The following COL24A1 variants were observed in gnomAD, a reference collection of about 807,000 sequenced individuals.
COL24A1 encodes the protein collagen alpha-1(XXIV) chain.
Under a neutral mutation model 253.9 loss-of-function variants are expected in COL24A1, and 224 were observed. That is an observed-to-expected ratio of 0.88 (90% confidence interval 0.79 to 0.99). The LOEUF is 0.99. COL24A1 is among the 50% of genes least tolerant of loss of function. The pLI, the probability that COL24A1 is intolerant of heterozygous loss-of-function variation, is 0.00. For missense variants in COL24A1, 2,131 were observed against 2,068.5 expected (o/e 1.03, Z -0.59); for synonymous variants, 685 against 673.7 (o/e 1.02, Z -0.26).
chr1:86,113,969 T>C (rs1705875862), intron 4 of COL24A1, among the ~76,000 whole-genome samples: 1 of 151,930 alleles, frequency 6.6e-6, no homozygotes, highest in African/African-American at 2.4e-5. Context: ...AATGAATAAG[T>C]TGCTGATGTA....
intron 55 of COL24A1, among the ~76,000 whole-genome samples, chr1:85,760,166 G>T (rs932571947): frequency 6.6e-6 from 1 of 151,696 alleles, no homozygotes; most frequent in Non-Finnish European, 1.5e-5. Flanking sequence ...TCTGCCTCCC[G>T]GGCTCAGGTG....
At chr1:85,924,393 C>T (rs997306608) in intron 24 of COL24A1, among the ~76,000 whole-genome samples, 5 of 152,160 alleles carry the variant, frequency 3.3e-5, no homozygotes, top group Middle Eastern at 3.2e-3. Context: ...ACCAATATCC[C>T]TGATGAACAT....
intron 7 of COL24A1, among the ~76,000 whole-genome samples, chr1:86,088,407 T>C (rs1472315948): frequency 2.0e-5 from 3 of 152,202 alleles, no homozygotes; most frequent in Admixed American, 2.0e-4. Context: ...TTTTAACACC[T>C]TAAGAAGAAA....
At chr1:85,892,073 C>A (rs1683194938) in intron 31 of COL24A1, among the ~76,000 whole-genome samples, 1 of 152,036 alleles carries the variant, frequency 6.6e-6, no homozygotes, top group African/African-American at 2.4e-5. Context: ...TTTATTATGA[C>A]TATGAAAGAT....
At position 85,823,666 on chromosome 1, in the gene COL24A1, T is replaced by C. The variant is rs751698491; in HGVS notation, c.3735+19A>G. 5.0e-6 allele frequency: 8 copies of C among 1,613,422 alleles called. No individual in the cohort carries two copies. In the East Asian group the frequency reaches 1.8e-4, roughly 36 times the overall value. On this transcript the variant is annotated intron_variant, in intron 44 of 59. Transcript: ENST00000370571. ...TTATATTAATGTTAATTTTTAGAAA[T>C]AATGCTTTCAAAACATACTGGGGGT...
intron 55 of COL24A1, among the ~76,000 whole-genome samples, chr1:85,755,921 CTT>C (rs1558001999): frequency 2.9e-4 from 1 of 3,502 alleles, no homozygotes; most frequent in Admixed American, 2.2e-3. Flanking sequence ...AAAAAAAAAA[CTT>C]CTGTGCATCA....
intron 43 of COL24A1, among the ~76,000 whole-genome samples, chr1:85,826,500 G>A (rs370369143): frequency 1.6e-5 from 2 of 124,900 alleles, no homozygotes; most frequent in Non-Finnish European, 3.4e-5. Flanking sequence ...CATTGAATCT[G>A]TAAATTACCT....
intron 24 of COL24A1, among the ~76,000 whole-genome samples, chr1:85,934,784 G>A (rs1688111442): frequency 6.6e-6 from 1 of 152,026 alleles, no homozygotes; most frequent in African/African-American, 2.4e-5. Flanking sequence ...GCAGAACTGA[G>A]TAATTTCAAC....
intron 45 of COL24A1, among the ~76,000 whole-genome samples, chr1:85,818,885 A>G (rs986775072): frequency 2.4e-4 from 36 of 152,248 alleles, no homozygotes; most frequent in African/African-American, 8.2e-4. Flanking sequence ...GGGATGTTAA[A>G]TCATTCAATT....
intron 42 of COL24A1, among the ~76,000 whole-genome samples, chr1:85,839,269 A>T (rs774116886): frequency 6.6e-6 from 1 of 152,196 alleles, no homozygotes; most frequent in Non-Finnish European, 1.5e-5. Context: ...GTTATAAATG[A>T]TGCCCAAATA....
chr1:86,022,276 TG>T lies in COL24A1; in HGVS notation c.2219del (p.Pro740GlnfsTer6). 6.2e-7 allele frequency: 1 copy of T among 1,610,820 alleles called. No individual in the cohort carries two copies. Among genetic ancestry groups the T allele is most frequent in the Non-Finnish European group, 8.5e-7 (1 of 1,178,782 alleles). On this transcript the variant is annotated frameshift_variant, in exon 18 of 60. Coordinates refer to ENST00000370571, the MANE Select transcript of COL24A1 (RefSeq NM_152890.7). LOFTEE classifies it high-confidence loss of function. Reference sequence around the variant, plus strand: ...ACTTTCCTCTCATCCCTGGTGGTCCTGGTAAACCAACAGCACCCTAAGAGAA... The same window carrying T: ...ACTTTCCTCTCATCCCTGGTGGTCCTGTAAACCAACAGCACCCTAAGAGAA... Reference protein sequence around the residue: ...YPGDKGAVGLPGPPGMRGKSG... With the variant: ...YPGDKGAVGLXGPPGMRGKSG...
At chr1:85,820,886 A>G (rs1490504398) in intron 45 of COL24A1, among the ~76,000 whole-genome samples, 1 of 152,176 alleles carries the variant, frequency 6.6e-6, no homozygotes, top group African/African-American at 2.4e-5. Context: ...TGATAAGGGA[A>G]ATATTTTTTA....
intron 20 of COL24A1, among the ~76,000 whole-genome samples, chr1:85,975,499 A>C (rs1431776507): frequency 1.3e-5 from 2 of 152,240 alleles, no homozygotes; most frequent in African/African-American, 4.8e-5. Flanking sequence ...TATTAAGTGA[A>C]ATAAGCCAGA....
chr1:85,769,988 A>G (rs1053741466), intron 53 of COL24A1, among the ~76,000 whole-genome samples: 2 of 152,112 alleles, frequency 1.3e-5, no homozygotes, highest in African/African-American at 4.8e-5. Flanking sequence ...TCCCAGCCAC[A>G]GTACTTGGAG....
chr1:85,991,742 A>T (rs17128649), intron 19 of COL24A1, among the ~76,000 whole-genome samples: 15,793 of 152,170 alleles, frequency 0.1, 1,505 homozygotes, highest in East Asian at 0.42. Context: ...TGGTAAGGTC[A>T]AGGATAATAG....
intron 45 of COL24A1, among the ~76,000 whole-genome samples, chr1:85,822,120 C>T (rs926030756): frequency 6.6e-6 from 1 of 151,940 alleles, no homozygotes; most frequent in African/African-American, 2.4e-5. Flanking sequence ...GGCTTATCTT[C>T]GATATGATAT....
chr1:85,974,384 G>C (rs749297553), intron 20 of COL24A1, among the ~76,000 whole-genome samples: 17 of 151,864 alleles, frequency 1.1e-4, no homozygotes, highest in Non-Finnish European at 2.4e-4. Flanking sequence ...CTATATAGTG[G>C]GTTATACTAT....
chr1:85,965,433 T>C (rs1467667500), intron 22 of COL24A1, among the ~76,000 whole-genome samples: 1 of 151,094 alleles, frequency 6.6e-6, no homozygotes, highest in South Asian at 2.1e-4. Context: ...GTTGTGGGAG[T>C]TTTATTGAAA....
In COL24A1 at chr1:85,842,401, A is replaced by G; in HGVS notation, c.3463-8T>C. On this transcript the variant is annotated splice_region_variant and splice_polypyrimidine_tract_variant and intron_variant, in intron 39 of 59. Transcript: ENST00000370571. ...CATCAATCCTAAATGTCCCTGAAAA[A>G]CAAAGTAAATATTAGTGAGAGAGAG... is the stretch of plus-strand genomic sequence containing the variant. 1 of 1,582,586 alleles carries G rather than the reference A, an allele frequency of 6.3e-7. No individual in the cohort carries two copies. Among genetic ancestry groups the G allele is most frequent in the Non-Finnish European group, 8.6e-7 (1 of 1,156,242 alleles).
Sources: allele counts gnomAD v4.1 joint callset (sites outside exome capture counted in the v4.1 genomes callset), GRCh38; gene constraint gnomAD v4.1.1; transcripts MANE v1.5; gene names NCBI Gene and HGNC (gene_info 2026-07-23, HGNC 2026-07-21).